The following ZNF37A variants were observed in gnomAD, a reference collection of about 807,000 sequenced individuals.
The protein encoded by ZNF37A is zinc finger protein 37a (KOX 21).
In ZNF37A, 10 loss-of-function variants were observed where a neutral mutation model predicts 12.3. The ratio of observed to expected loss-of-function variants is 0.82; its 90% confidence interval spans 0.50 to 1.38. The LOEUF (loss-of-function observed/expected upper bound fraction) is 1.38, where lower values mean the gene tolerates loss of function less well. Ranked by LOEUF, ZNF37A falls within the 40% of genes most tolerant of loss-of-function variation. The probability of loss-of-function intolerance (pLI) is 0.00; values close to 1 mark genes in which losing one functional copy is unlikely to be tolerated. For synonymous variants in ZNF37A, 207 were observed against 223.0 expected (o/e 0.93, Z 0.64); for missense variants, 580 against 651.2 (o/e 0.89, Z 1.19).
intron 5 of ZNF37A, 83 bp downstream of exon 5, chr10:38,096,715 A>C: frequency 2.2e-6 from 3 of 1,367,766 alleles, no homozygotes; most frequent in Non-Finnish European, 3.1e-6. Flanking sequence ...ATGAAAGTAG[A>C]AATAACATCA....
In ZNF37A at chr10:38,117,943, A is replaced by G. The variant is rs1399685786; in HGVS notation, c.792A>G (p.Thr264=). The G allele has an allele frequency of 1.2e-6, 2 of 1,613,840 alleles. No homozygotes were observed. The highest frequency in any genetic ancestry group is 2.7e-5 in the African/African-American group (2 of 74,938). The change falls in exon 8 of 8, where the codon ACA becomes ACG. Residue 264 remains threonine (T), a synonymous_variant. Coordinates refer to ENST00000685332, the MANE Select transcript of ZNF37A (RefSeq NM_001324250.3). Reference sequence around the variant, plus strand: ...TAGTCCTTCATTTACAACAGAGAACACATACAGGAGAAAAACCTTATGAAT... The same window carrying G: ...TAGTCCTTCATTTACAACAGAGAACGCATACAGGAGAAAAACCTTATGAAT... ...EKLVLHLQQR[T]HTGEKPYECH... is the part of the protein sequence containing the mutation.
chr10:38,115,847 GAGACC>G (rs1208391379), intron 7 of ZNF37A, among the ~76,000 whole-genome samples: 2 of 151,936 alleles, frequency 1.3e-5, no homozygotes, highest in Non-Finnish European at 2.9e-5. Context: ...CCAGGAATTT[GAGACC>G]AGCCTGGGCA....
chr10:38,112,792 T>C (rs1564932589), intron 5 of ZNF37A, among the ~76,000 whole-genome samples: 2,535 of 58,364 alleles, frequency 0.043, 337 homozygotes, highest in African/African-American at 0.052. Flanking sequence ...TTTCTTTTCT[T>C]TTCTTGTCTT....
chr10:38,114,678 G>C, intron 5 of ZNF37A, 77 bp from the exon 6 acceptor site: 1 of 1,583,308 alleles, frequency 6.3e-7, no homozygotes, highest in Non-Finnish European at 8.7e-7. Flanking sequence ...AAAATGGTAA[G>C]AATTAGTCCC....
chr10:38,111,563 G>A (rs2068659646), intron 5 of ZNF37A, among the ~76,000 whole-genome samples: 2 of 149,886 alleles, frequency 1.3e-5, no homozygotes, highest in African/African-American at 4.9e-5. Context: ...TTACATTTTT[G>A]TATGCATTAT....
chr10:38,139,813 T>C (rs1293029001), intron 7 of ZNF37A: 1 of 152,244 alleles, frequency 6.6e-6, no homozygotes, highest in East Asian at 1.9e-4. Flanking sequence ...TCCATTGATC[T>C]ATTCATATTT....
chr10:38,148,009 C>G (rs1434676331), exon 8 of ZNF37A: 3 of 152,170 alleles, frequency 2.0e-5, no homozygotes, highest in African/African-American at 7.2e-5. Flanking sequence ...TCTGTCATGT[C>G]ACATTTTATG....
In ZNF37A at chr10:38,118,778, A is replaced by C; in HGVS notation, c.1627A>C (p.Arg543=). Residue 543 remains arginine (R), a synonymous_variant, in exon 8 of 8, where the codon AGA becomes CGA. Transcript: ENST00000685332. ...TAAGTCAAAACTAACTGTACATCAG[A>C]GAATACACTTGGGGAGAAACCCTAT... The part of the protein sequence containing the change: ...YVKSKLTVHQ[R]IHLGRNPINV... The C allele has an allele frequency of 6.2e-7, 1 of 1,609,818 alleles. No individual in the cohort carries two copies. Among genetic ancestry groups the C allele is most frequent in the Non-Finnish European group, 8.5e-7 (1 of 1,178,278 alleles).
chr10:38,112,768 T>C (rs186772197), intron 5 of ZNF37A, among the ~76,000 whole-genome samples: 3,009 of 64,094 alleles, frequency 0.047, 349 homozygotes, highest in Middle Eastern at 0.066. Flanking sequence ...TTCTTTTCTT[T>C]TCTTTTCTTT....
intron 7 of ZNF37A, among the ~76,000 whole-genome samples, chr10:38,133,225 C>T (rs957590473): frequency 6.6e-6 from 1 of 152,016 alleles, no homozygotes; most frequent in African/African-American, 2.4e-5. Context: ...ATTAATTCTG[C>T]CTATTGTTCT....
In ZNF37A at chr10:38,118,905, A is replaced by G; in HGVS notation, c.*68A>G. 3 of 1,499,098 alleles carry G rather than the reference A, an allele frequency of 2.0e-6. No individual in the cohort carries two copies. The highest frequency in any genetic ancestry group is 1.4e-5 in the South Asian group (1 of 70,794). The allele number at this position is 1,499,098 out of a possible 1,614,324, so 92.9% of individuals were successfully genotyped here. A position where few individuals can be genotyped will look rare whatever the true frequency, so the allele number is the denominator to read the frequency against. ...ATCTGTTAATATAATGATAATGAGAACACCTTTGCCCTGAAGTCAGTTCTC... is the reference window on the plus strand; with the variant it reads ...ATCTGTTAATATAATGATAATGAGAGCACCTTTGCCCTGAAGTCAGTTCTC... On this transcript the variant is annotated 3_prime_UTR_variant, in exon 8 of 8. Coordinates refer to ENST00000685332, the MANE Select transcript of ZNF37A (RefSeq NM_001324250.3).
intron 7 of ZNF37A, among the ~76,000 whole-genome samples, chr10:38,146,268 A>G (rs2070252582): frequency 6.6e-6 from 1 of 152,108 alleles, no homozygotes; most frequent in South Asian, 2.1e-4. Flanking sequence ...AGACTTAACA[A>G]GGGTGTTTTA....
chr10:38,122,313 A>G lies in ZNF37A; in HGVS notation c.*3476A>G, dbSNP rs1244586979. ...TGTGGAACATCCAGAAAACTTTAAC[A>G]TTCTTCAAAGAAATAGAAAACACAA... On this transcript the variant is annotated 3_prime_UTR_variant, in exon 8 of 8. Transcript: ENST00000685332. The G allele has an allele frequency of 6.6e-6, 1 of 152,194 alleles. No homozygotes were observed. Among genetic ancestry groups the G allele is most frequent in the Non-Finnish European group, 1.5e-5 (1 of 68,042 alleles). 9.4% of individuals were successfully genotyped at this position (152,194 alleles called of 1,614,324 possible). A position where few individuals can be genotyped will look rare whatever the true frequency, so the allele number is the denominator to read the frequency against.
At chr10:38,116,288 A>G (rs1432607137) in intron 7 of ZNF37A, among the ~76,000 whole-genome samples, 1 of 152,164 alleles carries the variant, frequency 6.6e-6, no homozygotes, top group African/African-American at 2.4e-5. Context: ...CAAAAACAGA[A>G]CTGCATGAAA....
chr10:38,126,281 G>C (rs756220662), downstream of ZNF37A, among the ~76,000 whole-genome samples: 11 of 152,162 alleles, frequency 7.2e-5, no homozygotes, highest in Admixed American at 1.3e-4. Context: ...GTTGGCAGTT[G>C]ACTAACTCCT....
intron 7 of ZNF37A, among the ~76,000 whole-genome samples, chr10:38,133,972 C>A (rs1486387754): frequency 1.3e-5 from 2 of 152,282 alleles, no homozygotes; most frequent in Non-Finnish European, 2.9e-5. Context: ...TTCTTGGAGG[C>A]TTTGTTCATT....
At chr10:38,128,194 A>T (rs1280340422), downstream of ZNF37A, among the ~76,000 whole-genome samples, 3 of 152,190 alleles carry the variant, frequency 2.0e-5, no homozygotes, top group Non-Finnish European at 4.4e-5. Context: ...AGATTTTAAT[A>T]TGCACTGAGC....
chr10:38,149,100 A>T (rs2136089862), exon 8 of ZNF37A: 1 of 152,138 alleles, frequency 6.6e-6, no homozygotes, highest in East Asian at 1.9e-4. Context: ...CACCTCCCAA[A>T]GTGCTGGAAT....
intron 7 of ZNF37A, among the ~76,000 whole-genome samples, chr10:38,132,301 A>G (rs900379009): frequency 6.6e-6 from 1 of 152,128 alleles, no homozygotes; most frequent in East Asian, 1.9e-4. Context: ...CTGAAAGTCT[A>G]TCATGAAATA....
Sources: gnomAD v4.1 joint callset for allele counts (sites outside exome capture counted in the v4.1 genomes callset) on GRCh38, gnomAD v4.1.1 for gene constraint, MANE v1.5 for transcripts, NCBI Gene and HGNC (gene_info 2026-07-23, HGNC 2026-07-21) for gene names.